RYR1: variants seen among roughly 807,000 people sequenced by gnomAD.
RYR1 encodes central core disease of muscle.
A neutral mutation model predicts 583.5 loss-of-function variants in RYR1; 342 were observed. The ratio of observed to expected loss-of-function variants is 0.59; its 90% CI spans 0.54 to 0.64. The LOEUF (loss-of-function observed/expected upper bound fraction) is 0.64, where lower values mean the gene tolerates loss of function less well. Among genes scored for constraint, RYR1 ranks in the 30% least tolerant of loss-of-function variants. The pLI, the probability that RYR1 is intolerant of heterozygous loss-of-function variation, is 0.00. For synonymous variants in RYR1, 2,791 were observed against 2,822.5 expected (o/e 0.99, Z 0.35); for missense variants, 6,032 against 6,917.2 (o/e 0.87, Z 4.54).
rs753236563 is a variant in RYR1 at position 38,502,773 on chromosome 19, G to C, written c.7835+46G>C. 4 of 1,043,072 alleles carry C rather than the reference G, an allele frequency of 3.8e-6. No individual in the cohort carries two copies. The East Asian group carries it at 1.1e-4, about 29-fold the overall frequency. 64.6% of individuals were successfully genotyped at this position (1,043,072 alleles called of 1,614,324 possible). ...GGGTGGGGCAGGGGCAGGGGCAGGG[G>C]CAGGGGCAGGGGCAGGGGCAGGGGC... On this transcript the variant is annotated intron_variant, in intron 48 of 105. Coordinates refer to ENST00000359596, the MANE Select transcript of RYR1 (RefSeq NM_000540.3).
chr19:38,539,170 C>T (rs771505711), intron 84 of RYR1, among the ~76,000 whole-genome samples: 1 of 151,538 alleles, frequency 6.6e-6, no homozygotes, highest in African/African-American at 2.4e-5. Flanking sequence ...TTTTCAAAAG[C>T]TCTTGTGTCC....
In RYR1 at chr19:38,442,339, C is replaced by T. The variant is rs1972729717; in HGVS notation, c.166-10C>T. 6.3e-7 allele frequency: 1 copy of T among 1,584,844 alleles called. No individual in the cohort carries two copies. Among genetic ancestry groups the T allele is most frequent in the Non-Finnish European group, 8.7e-7 (1 of 1,153,778 alleles). Reference sequence around the variant, plus strand: ...TCTGACCCCTCACTTACATCCCCCTCCCACCCCAGAATGTGCCCCCCGATC... The same window carrying T: ...TCTGACCCCTCACTTACATCCCCCTTCCACCCCAGAATGTGCCCCCCGATC... On this transcript the variant is annotated splice_polypyrimidine_tract_variant and intron_variant, in intron 2 of 105. Coordinates refer to ENST00000359596, the MANE Select transcript of RYR1 (RefSeq NM_000540.3).
chr19:38,551,728 C>T (rs543366878), intron 89 of RYR1, among the ~76,000 whole-genome samples: 2 of 152,172 alleles, frequency 1.3e-5, no homozygotes, highest in Admixed American at 1.3e-4. Flanking sequence ...CGTTTCCCTC[C>T]CCAACCCTGA....
chr19:38,489,998 G>T, intron 35 of RYR1, 78 bp from the exon 36 acceptor site: 1 of 1,461,328 alleles, frequency 6.8e-7, no homozygotes, highest in Non-Finnish European at 9.5e-7. Flanking sequence ...GGAGAGGGGA[G>T]AGGAAGCAAG....
chr19:38,461,726 A>G (rs1228404974), intron 20 of RYR1, among the ~76,000 whole-genome samples: 3 of 144,218 alleles, frequency 2.1e-5, no homozygotes, highest in East Asian at 2.1e-4. Context: ...ACCCTGAAAA[A>G]AAAAAAAAAA....
intron 63 of RYR1, among the ~76,000 whole-genome samples, chr19:38,513,074 A>G (rs1473760088): frequency 6.6e-6 from 1 of 152,248 alleles, no homozygotes. Context: ...GCAGTGGCTC[A>G]CGCCTGTAAT....
intron 89 of RYR1, among the ~76,000 whole-genome samples, chr19:38,558,347 A>G (rs1444937048): frequency 3.3e-5 from 5 of 152,188 alleles, no homozygotes; most frequent in Non-Finnish European, 4.4e-5. Flanking sequence ...CTAAAAGACT[A>G]TAAGTAGACT....
chr19:38,478,663 A>G, intron 31 of RYR1, 63 bp downstream of exon 31: 1 of 1,581,584 alleles, frequency 6.3e-7, no homozygotes, highest in Non-Finnish European at 8.6e-7. Flanking sequence ...GACAGCTCTT[A>G]TAGATGTCCC....
At chr19:38,519,142 C>T (rs769505564) in intron 66 of RYR1, 72 bp from the exon 67 acceptor site, 46 of 1,611,234 alleles carry the variant, frequency 2.9e-5, no homozygotes, top group Middle Eastern at 1.6e-4. Context: ...GTTTGGGAGT[C>T]GGGCTGGGAA....
Position 38,460,413 on chromosome 19 carries a change from AG to A in RYR1, c.2400del (p.Lys800AsnfsTer84). The A allele has an allele frequency of 6.2e-7, 1 of 1,614,072 alleles. No homozygotes were observed. The highest frequency in any genetic ancestry group is 8.5e-7 in the Non-Finnish European group (1 of 1,180,000). On this transcript the variant is annotated frameshift_variant, in exon 20 of 106. Coordinates refer to ENST00000359596, the MANE Select transcript of RYR1 (RefSeq NM_000540.3). LOFTEE classifies it high-confidence loss of function. ...CTTGGTGGCCGCCATGGTGAATTCAAGTTCCTGCCCCCACCTGGCTATGCTC... is the reference window on the plus strand; with the variant it reads ...CTTGGTGGCCGCCATGGTGAATTCAATTCCTGCCCCCACCTGGCTATGCTC... Reference protein sequence around the residue: ...FLLGGRHGEFKFLPPPGYAPC... With the variant: ...FLLGGRHGEFXFLPPPGYAPC...
At chr19:38,436,216 T>A (rs1972420602) in intron 1 of RYR1, among the ~76,000 whole-genome samples, 1 of 144,678 alleles carries the variant, frequency 6.9e-6, no homozygotes, top group South Asian at 2.2e-4. Context: ...GGCCTTTTTT[T>A]TTCTTTTTGA....
chr19:38,523,366 GACTTCCTACCTGGCCT>G, intron 69 of RYR1, 57 bp downstream of exon 69: 1 of 1,605,580 alleles, frequency 6.2e-7, no homozygotes, highest in Non-Finnish European at 8.5e-7. Context: ...CACCCTCTAG[GACTTCCTACCTGGCCT>G]GTCCTCACCC....
chr19:38,458,110 A>G lies in RYR1; in HGVS notation c.1985A>G (p.Tyr662Cys), dbSNP rs1200789458. 2 of 1,613,816 alleles carry G rather than the reference A, an allele frequency of 1.2e-6. No homozygotes were observed. The highest frequency in any genetic ancestry group is 2.7e-5 in the African/African-American group (2 of 74,906). The part of the protein sequence containing the change: ...AEGTTQYSKW[Y>C]FEVMVDEVTP... ...GGCACCACGCAGTACAGCAAATGGT[A>G]CTTTGAGGTGATGGTGGACGAGGTG... Residue 662 changes from tyrosine (Y) to cysteine (C), a missense_variant, in exon 18 of 106, where the codon TAC becomes TGC. Around this residue, in one of 11 missense-constraint regions of RYR1, gnomAD observed 2,627 missense variants for 2,961.3 expected, o/e 0.89. Transcript: ENST00000359596.
Position 38,448,717 on chromosome 19 carries a change from G to C in RYR1, c.1026G>C (p.Glu342Asp). The change falls in exon 11 of 106, where the codon GAG becomes GAC. Residue 342 changes from glutamate to aspartate, a missense_variant. Physicochemically the swap from Glu to Asp is conservative, Grantham distance 45. This residue lies in a region of RYR1 where 338 missense variants were observed against 441.6 expected (regional missense o/e 0.77). Coordinates refer to ENST00000359596, the MANE Select transcript of RYR1 (RefSeq NM_000540.3). ...GMGPPEIKYGESLCFVQHVAS... is the reference protein window; with the variant it reads ...GMGPPEIKYGDSLCFVQHVAS... The stretch of plus-strand genomic sequence containing the variant: ...GCCCCCCTGAGATCAAGTACGGGGA[G>C]TCACTGTGCTTCGTGCAGCATGTGG... 1 of 1,614,250 alleles carries C rather than the reference G, an allele frequency of 6.2e-7. No individual in the cohort carries two copies. Among genetic ancestry groups the C allele is most frequent in the African/African-American group, 1.3e-5 (1 of 75,066 alleles).
intron 96 of RYR1, 110 bp downstream of exon 96, chr19:38,573,417 C>T (rs924181421): frequency 2.5e-5 from 35 of 1,390,202 alleles, no homozygotes; most frequent in Non-Finnish European, 3.4e-5. Flanking sequence ...CACGGTGGCT[C>T]ACACCTGTAA....
In RYR1 at chr19:38,475,460, A is replaced by G. The variant is rs1968673221; in HGVS notation, c.4293+10A>G. On this transcript the variant is annotated intron_variant, in intron 29 of 105. Transcript: ENST00000359596. ...CCTCAACACCACCACGGTGTGGACC[A>G]GTAACCCTCAATTTTGGGGTCCCCC... The G allele has an allele frequency of 6.2e-7, 1 of 1,613,246 alleles. No homozygotes were observed.
In RYR1 at chr19:38,448,413, G is replaced by C. The variant is rs201292282; in HGVS notation, c.859G>C (p.Gly287Arg). 4.3e-6 allele frequency: 7 copies of C among 1,613,088 alleles called. 1 individual carries two copies. Among genetic ancestry groups the C allele is most frequent in the South Asian group, 3.3e-5 (3 of 91,072 alleles). ...ACTCCGAGTCCGGCATGTCACTACC[G>C]GGCAGTACCTAGCGCTCACCGAGGA... ...QPLRVRHVTT[G>R]QYLALTEDQG... Residue 287 changes from glycine to arginine, a missense_variant, in exon 10 of 106, where the codon GGG becomes CGG. This residue lies in a region of RYR1 where 338 missense variants were observed against 441.6 expected (regional missense o/e 0.77). Coordinates refer to ENST00000359596, the MANE Select transcript of RYR1 (RefSeq NM_000540.3).
Position 38,457,045 on chromosome 19 carries a change from C to CAAAAAAAAAAA in RYR1, c.1792-452_1792-451insAAAAAAAAAAA, listed in dbSNP as rs35088425. 1.0e-4 allele frequency among the ~76,000 whole-genome samples: 2 copies of CAAAAAAAAAAA among 19,588 alleles called. 1 individual carries two copies. 12.9% of individuals were successfully genotyped at this position (19,588 alleles called of 152,430 possible). ...TGGGCGACAGAGCCAGACTCCATCT[C>CAAAAAAAAAAA]CAAAAAAAAAAAAAAAAAAAAAAAA... On this transcript the variant is annotated intron_variant, in intron 16 of 105. Coordinates refer to ENST00000359596, the MANE Select transcript of RYR1 (RefSeq NM_000540.3).
intron 60 of RYR1, 152 bp downstream of exon 60, chr19:38,510,933 G>C: frequency 8.4e-7 from 1 of 1,184,800 alleles, no homozygotes; most frequent in South Asian, 1.4e-5. Context: ...AGTGTACCCG[G>C]GACTGAAGGG....
Sources: allele counts gnomAD v4.1 joint callset (sites outside exome capture counted in the v4.1 genomes callset), GRCh38; gene constraint gnomAD v4.1.1; regional missense constraint gnomAD v4.1.1; transcripts MANE v1.5; gene names NCBI Gene and HGNC (gene_info 2026-07-23, HGNC 2026-07-21).